Variants in RAB11FIP4 observed in about 807,000 individuals in gnomAD.
RAB11FIP4 encodes the protein rab11 family-interacting protein 4.
Under a neutral mutation model 74.3 loss-of-function variants are expected in RAB11FIP4, and 23 were observed. The ratio of observed to expected loss-of-function variants is 0.31; its 90% confidence interval spans 0.22 to 0.44. RAB11FIP4 has a LOEUF of 0.44. Among genes scored for constraint, RAB11FIP4 ranks in the 20% least tolerant of loss-of-function variants. The probability of loss-of-function intolerance (pLI) is 1.00; values close to 1 mark genes in which losing one functional copy is unlikely to be tolerated. For synonymous variants in RAB11FIP4, 360 were observed against 359.9 expected, an observed-to-expected ratio of 1.00 and a Z score of 0.00; for missense variants, 630 against 863.9, an observed-to-expected ratio of 0.73 and a Z score of 3.39.
chr17:31,456,851 G>A (rs571639445), intron 3 of RAB11FIP4, among the ~76,000 whole-genome samples: 14 of 152,290 alleles, frequency 9.2e-5, no homozygotes, highest in African/African-American at 3.1e-4. Flanking sequence ...ATTGCCTGGG[G>A]GTGGTGGGGA....
intron 3 of RAB11FIP4, among the ~76,000 whole-genome samples, chr17:31,439,895 C>G (rs1196941904): frequency 2.0e-5 from 3 of 152,156 alleles, no homozygotes; most frequent in Admixed American, 6.5e-5. Context: ...CCTCGGCCTC[C>G]CAAAGTGCTG....
chr17:31,480,793 CAAAAAAAAAAA>C (rs36097331), intron 3 of RAB11FIP4, among the ~76,000 whole-genome samples: 4 of 73,842 alleles, frequency 5.4e-5, no homozygotes, highest in Non-Finnish European at 7.8e-5. Flanking sequence ...GACTCCGTCT[CAAAAAAAAAAA>C]AAAAAAAAAA....
chr17:31,447,014 G>A (rs976015026), intron 3 of RAB11FIP4, among the ~76,000 whole-genome samples: 6 of 151,908 alleles, frequency 3.9e-5, no homozygotes, highest in Admixed American at 2.6e-4. Context: ...GGCGGGTGCC[G>A]TGGCTCTCGC....
At chr17:31,402,204 TCCA>T (rs1443986376) in intron 1 of RAB11FIP4, among the ~76,000 whole-genome samples, 1 of 151,102 alleles carries the variant, frequency 6.6e-6, no homozygotes, top group Non-Finnish European at 1.5e-5. Context: ...CATCCATCCA[TCCA>T]TCCATCCATC....
At chr17:31,419,553 C>CTT (rs559266824) in intron 1 of RAB11FIP4, among the ~76,000 whole-genome samples, 2 of 138,248 alleles carry the variant, frequency 1.4e-5, no homozygotes, top group Non-Finnish European at 1.6e-5. Context: ...TTTCTTTTTT[C>CTT]TTTTTTTTTT....
At chr17:31,511,436 C>G (rs985283199) in intron 3 of RAB11FIP4, among the ~76,000 whole-genome samples, 1 of 152,222 alleles carries the variant, frequency 6.6e-6, no homozygotes, top group Non-Finnish European at 1.5e-5. Flanking sequence ...AGTCGGCACC[C>G]AGGTCTCAGG....
intron 3 of RAB11FIP4, among the ~76,000 whole-genome samples, chr17:31,440,754 G>A (rs746760702): frequency 4.6e-5 from 7 of 152,292 alleles, no homozygotes; most frequent in East Asian, 1.9e-4. Context: ...TGGCGACAAA[G>A]TGAGACTCTG....
intron 3 of RAB11FIP4, among the ~76,000 whole-genome samples, chr17:31,474,300 A>G (rs2071767978): frequency 6.6e-6 from 1 of 152,170 alleles, no homozygotes; most frequent in African/African-American, 2.4e-5. Flanking sequence ...TGAGAAGGGA[A>G]GAGGATTGAA....
intron 3 of RAB11FIP4, among the ~76,000 whole-genome samples, chr17:31,491,053 T>C (rs2071998376): frequency 6.6e-6 from 1 of 152,192 alleles, no homozygotes; most frequent in African/African-American, 2.4e-5. Context: ...TTACTTCATC[T>C]CAGGTCTCAT....
At chr17:31,418,886 C>T (rs2071172962) in intron 1 of RAB11FIP4, among the ~76,000 whole-genome samples, 1 of 152,122 alleles carries the variant, frequency 6.6e-6, no homozygotes, top group South Asian at 2.1e-4. Context: ...CCTGTGACTC[C>T]CACTGCCATC....
At chr17:31,521,790 C>T in intron 5 of RAB11FIP4, 125 bp from the exon 6 acceptor site, 2 of 1,092,454 alleles carry the variant, frequency 1.8e-6, no homozygotes, top group Non-Finnish European at 2.6e-6. Flanking sequence ...TTTCCACTCC[C>T]TGCCCCTCCC....
chr17:31,467,493 C>G (rs946619524), intron 3 of RAB11FIP4, among the ~76,000 whole-genome samples: 4 of 152,304 alleles, frequency 2.6e-5, no homozygotes, highest in Middle Eastern at 6.8e-3. Flanking sequence ...TGCCCTCAGT[C>G]TTTCTCTCTG....
At chr17:31,501,325 TAA>T (rs373057437) in intron 3 of RAB11FIP4, among the ~76,000 whole-genome samples, 45 of 141,812 alleles carry the variant, frequency 3.2e-4, no homozygotes, top group South Asian at 2.2e-4. Context: ...TATCATAAGT[TAA>T]AAAAAAAAAA....
intron 3 of RAB11FIP4, among the ~76,000 whole-genome samples, chr17:31,485,256 C>T (rs1298038181): frequency 6.6e-6 from 1 of 152,234 alleles, no homozygotes; most frequent in Non-Finnish European, 1.5e-5. Context: ...TGTGGCCTTT[C>T]TCTGTCACTC....
At chr17:31,433,818 G>A (rs2071332728) in intron 2 of RAB11FIP4, among the ~76,000 whole-genome samples, 1 of 152,314 alleles carries the variant, frequency 6.6e-6, no homozygotes, top group South Asian at 2.1e-4. Context: ...TAGTCCCAGA[G>A]GACAAGGGCC....
rs540038219 is a variant in RAB11FIP4 at position 31,443,006 on chromosome 17, T to C, written c.336+8884T>C. ...GATGCAAAATATTAAAACTGCCTAATACTAATCTGCCAAATTCCTCTGCAG... is the reference window on the plus strand; with the variant it reads ...GATGCAAAATATTAAAACTGCCTAACACTAATCTGCCAAATTCCTCTGCAG... On this transcript the variant is annotated intron_variant, in intron 3 of 14. Transcript: ENST00000621161. Among the ~76,000 whole-genome samples the C allele has an allele frequency of 7.2e-5, 11 of 151,814 alleles. No individual in the cohort carries two copies. The East Asian group carries it at 1.9e-3, about 27-fold the overall frequency.
At chr17:31,508,697 C>T (rs1369391321) in intron 3 of RAB11FIP4, among the ~76,000 whole-genome samples, 4 of 115,498 alleles carry the variant, frequency 3.5e-5, no homozygotes, top group Non-Finnish European at 7.0e-5. Context: ...GTCTTTAGAT[C>T]CCTTAGTACT....
chr17:31,439,109 C>G (rs2071386427), intron 3 of RAB11FIP4, among the ~76,000 whole-genome samples: 1 of 152,192 alleles, frequency 6.6e-6, no homozygotes, highest in Non-Finnish European at 1.5e-5. Flanking sequence ...CCCATGTCCA[C>G]CCAGTGGCTT....
At chr17:31,413,303 A>G (rs1410476726) in intron 1 of RAB11FIP4, among the ~76,000 whole-genome samples, 1 of 152,040 alleles carries the variant, frequency 6.6e-6, no homozygotes, top group Non-Finnish European at 1.5e-5. Context: ...TTCCCATGTA[A>G]CCTTAAATAA....
Sources: allele counts gnomAD v4.1 joint callset (sites outside exome capture counted in the v4.1 genomes callset), GRCh38; gene constraint gnomAD v4.1.1; transcripts MANE v1.5; gene names NCBI Gene and HGNC (gene_info 2026-07-23, HGNC 2026-07-21).